The following KCNMB2 variants were observed in gnomAD, a reference collection of about 807,000 sequenced individuals.
KCNMB2 encodes the protein potassium calcium-activated channel subfamily M regulatory beta subunit 2.
A neutral mutation model predicts 24.5 loss-of-function variants in KCNMB2; 9 were observed. That is an observed-to-expected ratio of 0.37 (90% CI 0.22 to 0.64). The LOEUF is 0.64. KCNMB2 is among the 30% of genes least tolerant of loss of function. The pLI, the probability that KCNMB2 is intolerant of heterozygous loss-of-function variation, is 0.63. For missense variants in KCNMB2, 226 were observed against 284.3 expected (o/e 0.79, Z 1.47); for synonymous variants, 109 against 104.4 (o/e 1.04, Z -0.27).
intron 1 of KCNMB2, among the ~76,000 whole-genome samples, chr3:178,696,525 T>C (rs1721882916): frequency 6.6e-6 from 1 of 152,256 alleles, no homozygotes; most frequent in Non-Finnish European, 1.5e-5. Flanking sequence ...CTGTCTATTT[T>C]ATCAAATTTT....
rs111344620 is a variant in KCNMB2, at chr3:178,835,476, T to C, written c.423+7103T>C. 3.9e-3 allele frequency among the ~76,000 whole-genome samples: 597 copies of C among 152,284 alleles called. 3 individuals are homozygous for C. The highest frequency in any genetic ancestry group is 6.4e-3 in the Admixed American group (98 of 15,286). On this transcript the variant is annotated intron_variant, in intron 4 of 4. Coordinates refer to ENST00000452583, the MANE Select transcript of KCNMB2 (RefSeq NM_181361.3). ...TGTTTATCACTAATGTTCAAAAAAT[T>C]CAAAAGTTCAAAATATATTTGTGAA... is the stretch of plus-strand genomic sequence containing the variant.
At chr3:178,732,573 G>C (rs920918579) in intron 1 of KCNMB2, among the ~76,000 whole-genome samples, 2 of 152,118 alleles carry the variant, frequency 1.3e-5, no homozygotes, top group African/African-American at 4.8e-5. Context: ...CTGAAGTGCT[G>C]TCTAGTGCTC....
At chr3:178,831,486 A>G (rs1333738265) in intron 4 of KCNMB2, among the ~76,000 whole-genome samples, 1 of 152,166 alleles carries the variant, frequency 6.6e-6, no homozygotes, top group Non-Finnish European at 1.5e-5. Flanking sequence ...AAAGATATGG[A>G]ATCAACCTAA....
chr3:178,738,757 C>T (rs139496638), intron 1 of KCNMB2, among the ~76,000 whole-genome samples: 85 of 152,298 alleles, frequency 5.6e-4, no homozygotes, highest in African/African-American at 2.0e-3. Flanking sequence ...CCATTAGGCC[C>T]TCACAGTACT....
At chr3:178,833,210 C>A (rs971213500) in intron 4 of KCNMB2, among the ~76,000 whole-genome samples, 1 of 152,122 alleles carries the variant, frequency 6.6e-6, no homozygotes, top group Non-Finnish European at 1.5e-5. Flanking sequence ...AGAATCCCAA[C>A]CCAAAGTGAA....
intron 1 of KCNMB2, among the ~76,000 whole-genome samples, chr3:178,649,088 A>G (rs1485106419): frequency 6.6e-6 from 1 of 152,054 alleles, no homozygotes; most frequent in Non-Finnish European, 1.5e-5. Flanking sequence ...GTAATTCCCT[A>G]TATGATTTAG....
At chr3:178,698,770 T>C (rs999404448) in intron 1 of KCNMB2, among the ~76,000 whole-genome samples, 2 of 152,162 alleles carry the variant, frequency 1.3e-5, no homozygotes, top group African/African-American at 2.4e-5. Context: ...ATCTTTGAGG[T>C]TGCTGATTTT....
At chr3:178,830,278 T>C (rs1324836682) in intron 4 of KCNMB2, among the ~76,000 whole-genome samples, 4 of 152,214 alleles carry the variant, frequency 2.6e-5, no homozygotes, top group Non-Finnish European at 4.4e-5. Flanking sequence ...ATTTATTCCA[T>C]TTGGTTACAG....
At chr3:178,638,806 C>G (rs1719621148) in intron 1 of KCNMB2, among the ~76,000 whole-genome samples, 1 of 152,164 alleles carries the variant, frequency 6.6e-6, no homozygotes, top group Non-Finnish European at 1.5e-5. Flanking sequence ...TGTTCTGGTA[C>G]AGACTACCAA....
chr3:178,751,119 C>A (rs1723831663), intron 1 of KCNMB2, among the ~76,000 whole-genome samples: 1 of 152,050 alleles, frequency 6.6e-6, no homozygotes, highest in African/African-American at 2.4e-5. Context: ...TCACTTATTC[C>A]CCATTTATTG....
chr3:178,710,857 G>T (rs966077457), intron 1 of KCNMB2, among the ~76,000 whole-genome samples: 9 of 152,042 alleles, frequency 5.9e-5, no homozygotes, highest in Non-Finnish European at 8.8e-5. Flanking sequence ...TCCTTCTAAT[G>T]CTTCTTCTGT....
intron 2 of KCNMB2, 122 bp from the exon 3 acceptor site, chr3:178,825,466 G>C: frequency 1.5e-6 from 1 of 683,314 alleles, no homozygotes; most frequent in Non-Finnish European, 2.5e-6. Context: ...ACACACTGAG[G>C]TCCAGCTGCA....
intron 1 of KCNMB2, among the ~76,000 whole-genome samples, chr3:178,785,716 T>C (rs777937269): frequency 1.6e-4 from 25 of 152,194 alleles, no homozygotes; most frequent in Middle Eastern, 3.4e-3. Context: ...CTTATTCAAC[T>C]GCACACTAAG....
intron 1 of KCNMB2, among the ~76,000 whole-genome samples, chr3:178,694,099 C>T (rs901221037): frequency 6.6e-6 from 1 of 152,000 alleles, no homozygotes; most frequent in African/African-American, 2.4e-5. Flanking sequence ...GCTGGGGAGG[C>T]CTCACGAAAC....
intron 1 of KCNMB2, among the ~76,000 whole-genome samples, chr3:178,716,441 ATT>A (rs35949431): frequency 0.13 from 17,261 of 128,448 alleles, 858 homozygotes; most frequent in Middle Eastern, 0.22. Context: ...TAAAACCTGC[ATT>A]TTTTTTTTTT....
intron 1 of KCNMB2, among the ~76,000 whole-genome samples, chr3:178,758,595 GATATAT>G (rs1208483564): frequency 2.7e-4 from 4 of 14,708 alleles, no homozygotes; most frequent in African/African-American, 3.0e-4. Context: ...TCCAAGAGGA[GATATAT>G]ATATCTCCAA....
chr3:178,749,838 C>T (rs1010225179), intron 1 of KCNMB2, among the ~76,000 whole-genome samples: 3 of 152,184 alleles, frequency 2.0e-5, no homozygotes, highest in Non-Finnish European at 4.4e-5. Context: ...TGTATGAATA[C>T]AGAGGTAGCT....
At chr3:178,759,623 C>A (rs142589478) in intron 1 of KCNMB2, among the ~76,000 whole-genome samples, 9,619 of 105,352 alleles carry the variant, frequency 0.091, 1,085 homozygotes, top group Non-Finnish European at 0.12. Flanking sequence ...ATACATATAT[C>A]TCTCTCCAAG....
At chr3:178,634,318 G>C (rs1398054386) in intron 1 of KCNMB2, among the ~76,000 whole-genome samples, 1 of 152,064 alleles carries the variant, frequency 6.6e-6, no homozygotes, top group Non-Finnish European at 1.5e-5. Flanking sequence ...CTGCTAATAA[G>C]GAAATACCTG....
Sources: gnomAD v4.1 joint callset for allele counts (sites outside exome capture counted in the v4.1 genomes callset) on GRCh38, gnomAD v4.1.1 for gene constraint, MANE v1.5 for transcripts, NCBI Gene and HGNC (gene_info 2026-07-23, HGNC 2026-07-21) for gene names.